Variants in DNAH11 observed in about 807,000 individuals in gnomAD.
DNAH11 encodes axonemal beta dynein heavy chain 11.
A neutral mutation model predicts 526.0 loss-of-function variants in DNAH11; 442 were observed. That is an observed-to-expected ratio of 0.84 (90% CI 0.78 to 0.91). DNAH11 has a LOEUF of 0.91. Ranked by LOEUF, DNAH11 falls within the 40% of genes least tolerant of loss-of-function variation. DNAH11 has a pLI of 0.00. For missense variants in DNAH11, 6,989 were observed against 5,448.7 expected (o/e 1.28, Z -8.90); for synonymous variants, 2,461 against 1,935.9 (o/e 1.27, Z -7.12).
chr7:21,692,544 C>A (rs1293371830), intron 35 of DNAH11, among the ~76,000 whole-genome samples: 1 of 152,154 alleles, frequency 6.6e-6, no homozygotes, highest in East Asian at 1.9e-4. Context: ...TTATATAGAC[C>A]TACTGCAATT....
intron 66 of DNAH11, among the ~76,000 whole-genome samples, chr7:21,848,623 C>T (rs953038431): frequency 4.6e-5 from 7 of 151,848 alleles, no homozygotes; most frequent in African/African-American, 9.7e-5. Context: ...CACTCTCACT[C>T]GCTCTCTCTC....
intron 14 of DNAH11, 64 bp from the exon 15 acceptor site, chr7:21,599,721 GGA>G (rs1784998067): frequency 8.3e-7 from 1 of 1,204,736 alleles, no homozygotes; most frequent in African/African-American, 1.5e-5. Context: ...CTATTTAAAC[GGA>G]GAGTTTTAGT....
intron 61 of DNAH11, among the ~76,000 whole-genome samples, chr7:21,795,386 G>A (rs866605377): frequency 1.3e-5 from 2 of 151,828 alleles, no homozygotes; most frequent in African/African-American, 4.8e-5. Context: ...TGGACTTTAG[G>A]GGAACTCCTT....
In DNAH11 at chr7:21,571,897, A is replaced by G; in HGVS notation, c.1517A>G (p.Glu506Gly). Residue 506 changes from glutamate to glycine, a missense_variant, in exon 8 of 82, where the codon GAG (glutamate) becomes GGG (glycine). By Grantham distance (98) the Glu-to-Gly change is moderately conservative. Transcript: ENST00000409508. Reference protein sequence around the residue: ...KGAILNGQVHEMSEELMELCK... With the variant: ...KGAILNGQVHGMSEELMELCK... The stretch of plus-strand genomic sequence containing the variant: ...GCAATTTTAAATGGACAAGTCCACG[A>G]GATGAGTGAAGAACTTATGGAACTC... 2 of 1,613,092 alleles carry G rather than the reference A, an allele frequency of 1.2e-6. No individual in the cohort carries two copies. Among genetic ancestry groups the G allele is most frequent in the Non-Finnish European group, 1.7e-6 (2 of 1,179,496 alleles).
At chr7:21,748,852 C>G in intron 52 of DNAH11, 110 bp downstream of exon 52, 1 of 1,164,958 alleles carries the variant, frequency 8.6e-7, no homozygotes. Context: ...CAAGGCCTCC[C>G]CAACCACGGG....
chr7:21,812,173 G>A (rs936902489), intron 63 of DNAH11, among the ~76,000 whole-genome samples: 1 of 152,170 alleles, frequency 6.6e-6, no homozygotes, highest in Non-Finnish European at 1.5e-5. Context: ...AGGATTGATA[G>A]CAGAACTTGG....
intron 46 of DNAH11, among the ~76,000 whole-genome samples, chr7:21,737,007 T>G (rs1343680733): frequency 6.6e-6 from 1 of 152,214 alleles, no homozygotes; most frequent in Non-Finnish European, 1.5e-5. Flanking sequence ...TGTGAGTGCA[T>G]CTTGCTATTT....
intron 68 of DNAH11, among the ~76,000 whole-genome samples, chr7:21,856,134 G>A (rs991639952): frequency 1.4e-4 from 21 of 152,174 alleles, no homozygotes; most frequent in Non-Finnish European, 7.3e-5. Context: ...ATCTAGAGAG[G>A]TGGGAAAGAC....
chr7:21,766,424 A>G (rs1353490428), intron 55 of DNAH11, among the ~76,000 whole-genome samples: 1 of 152,194 alleles, frequency 6.6e-6, no homozygotes, highest in Non-Finnish European at 1.5e-5. Context: ...TTCCTAGAAT[A>G]GGTCAGACAC....
At position 21,655,966 on chromosome 7, in the gene DNAH11, T is replaced by G; in HGVS notation, c.5079T>G (p.Cys1693Trp). The G allele has an allele frequency of 1.2e-6, 2 of 1,604,246 alleles. No individual in the cohort carries two copies. Among genetic ancestry groups the G allele is most frequent in the Non-Finnish European group, 1.7e-6 (2 of 1,174,168 alleles). Residue 1693 changes from cysteine to tryptophan, a missense_variant, in exon 29 of 82, where the codon TGT (cysteine) becomes TGG (tryptophan). Transcript: ENST00000409508. ...AGTATGTCCCATTCCAAGCCGAGTG[T>G]GAATGTGTGGGCCATGTAAGATTTG... ...EKEYVPFQAE[C>W]ECVGHVETWL...
At chr7:21,888,773 C>T (rs1784222384) in intron 76 of DNAH11, among the ~76,000 whole-genome samples, 1 of 152,112 alleles carries the variant, frequency 6.6e-6, no homozygotes, top group Admixed American at 6.5e-5. Context: ...CAGGCATGAG[C>T]CACCATGCCT....
At chr7:21,811,796 G>A (rs1464314084) in intron 63 of DNAH11, among the ~76,000 whole-genome samples, 2 of 152,074 alleles carry the variant, frequency 1.3e-5, no homozygotes, top group African/African-American at 4.8e-5. Flanking sequence ...AGTATTTAGA[G>A]TAAGTGTTAT....
rs191505564 is a variant in DNAH11, at chr7:21,840,453, A to G, written c.10692-2091A>G. Among the ~76,000 whole-genome samples the G allele has an allele frequency of 3.4e-3, 519 of 152,298 alleles. 4 individuals carry two copies. Among genetic ancestry groups the G allele is most frequent in the African/African-American group, 0.012 (501 of 41,558 alleles). ...TAATAATGAAGAATCCAAAATTTTC[A>G]TATGTAAGGTAAAATAGAAGACTGA... is the stretch of plus-strand genomic sequence containing the variant. On this transcript the variant is annotated intron_variant, in intron 65 of 81. Coordinates refer to ENST00000409508, the MANE Select transcript of DNAH11 (RefSeq NM_001277115.2).
intron 55 of DNAH11, 33 bp from the exon 56 acceptor site, chr7:21,773,733 A>C (rs1361141778): frequency 6.1e-6 from 8 of 1,311,146 alleles, no homozygotes; most frequent in Non-Finnish European, 5.0e-6. Context: ...ATTTGAGAGG[A>C]TTTCACATGA....
intron 30 of DNAH11, among the ~76,000 whole-genome samples, chr7:21,681,072 G>T (rs1206900747): frequency 1.3e-5 from 2 of 152,086 alleles, no homozygotes; most frequent in African/African-American, 2.4e-5. Context: ...GTGTGAGGGG[G>T]TAATAATATT....
intron 28 of DNAH11, 28 bp downstream of exon 28, chr7:21,639,093 T>C (rs368845732): frequency 1.3e-6 from 2 of 1,596,356 alleles, no homozygotes; most frequent in Admixed American, 1.8e-5. Context: ...AGTCTCGTAT[T>C]ATACTGTGTT....
rs561254896 is a variant in DNAH11 at position 21,852,447 on chromosome 7, C to G, written c.10897-20C>G. The G allele has an allele frequency of 3.8e-6, 6 of 1,586,610 alleles. No homozygotes were observed. In the South Asian group the frequency reaches 5.8e-5, roughly 15 times the overall value. ...AAGTACTTAACCACCATTTCCCACA[C>G]TTTTCTTGGTTTTTATTAGTTGGTA... On this transcript the variant is annotated intron_variant, in intron 66 of 81. Coordinates refer to ENST00000409508, the MANE Select transcript of DNAH11 (RefSeq NM_001277115.2).
chr7:21,742,700 T>C (rs917694520), intron 49 of DNAH11, among the ~76,000 whole-genome samples: 2 of 152,144 alleles, frequency 1.3e-5, no homozygotes, highest in South Asian at 2.1e-4. Context: ...CTATATACTT[T>C]TGTATGTATT....
chr7:21,896,297 A>T (rs939196515), intron 79 of DNAH11, among the ~76,000 whole-genome samples: 1 of 152,092 alleles, frequency 6.6e-6, no homozygotes, highest in Admixed American at 6.5e-5. Flanking sequence ...GGTGTAAATC[A>T]TCTTGTGTTT....
Sources: allele counts gnomAD v4.1 joint callset (sites outside exome capture counted in the v4.1 genomes callset), GRCh38; gene constraint gnomAD v4.1.1; transcripts MANE v1.5; gene names NCBI Gene and HGNC (gene_info 2026-07-23, HGNC 2026-07-21).